The following CDH13 variants were observed in gnomAD, a reference collection of about 807,000 sequenced individuals.
The protein encoded by CDH13 is cadherin 13, also known as cadherin-13.
A neutral mutation model predicts 63.8 loss-of-function variants in CDH13; 24 were observed. The ratio of observed to expected loss-of-function variants is 0.38; its 90% CI spans 0.27 to 0.53. CDH13 has a LOEUF of 0.53. Ranked by LOEUF, CDH13 falls within the 20% of genes least tolerant of loss-of-function variation. The pLI, the probability that CDH13 is intolerant of heterozygous loss-of-function variation, is 0.85. For missense variants in CDH13, 1,049 were observed against 903.1 expected, an observed-to-expected ratio of 1.16 and a Z score of -2.07; for synonymous variants, 503 against 355.3, an observed-to-expected ratio of 1.42 and a Z score of -4.67.
At chr16:83,544,752 T>C (rs12448697) in intron 7 of CDH13, among the ~76,000 whole-genome samples, 24,882 of 152,140 alleles carry the variant, frequency 0.16, 4,112 homozygotes, top group African/African-American at 0.43. Context: ...CTGCATTGTG[T>C]TGGGCAAGGG....
intron 3 of CDH13, among the ~76,000 whole-genome samples, chr16:83,041,944 G>A (rs1352749413): frequency 2.0e-5 from 3 of 152,134 alleles, no homozygotes; most frequent in Non-Finnish European, 4.4e-5. Flanking sequence ...CCAGTAAGTT[G>A]CTATCACTTC....
At position 82,702,426 on chromosome 16, in the gene CDH13, G is replaced by A. The variant is rs188808450; in HGVS notation, c.45+75289G>A. Reference sequence around the variant, plus strand: ...TGACAGCAGGGCCCCTGTCTTGTTCGTCTCAGTGCTCCCCAGGGCCCACAT... The same window carrying A: ...TGACAGCAGGGCCCCTGTCTTGTTCATCTCAGTGCTCCCCAGGGCCCACAT... On this transcript the variant is annotated intron_variant, in intron 1 of 13. Coordinates refer to ENST00000567109, the MANE Select transcript of CDH13 (RefSeq NM_001257.5). Among the ~76,000 whole-genome samples, 10 of 152,218 alleles carry A rather than the reference G, an allele frequency of 6.6e-5. No homozygotes were observed. In the East Asian group the frequency reaches 1.2e-3, roughly 18 times the overall value.
rs1004383901 is a variant in CDH13, at chr16:83,251,937, G to C, written c.636+34440G>C. On this transcript the variant is annotated intron_variant, in intron 5 of 13. Transcript: ENST00000567109. ...AAAGTTTAATCTATAGCCCCTGAGG[G>C]AGTGCCTCTTTCTAATCCCTACAAA... Among the ~76,000 whole-genome samples, 12 of 152,036 alleles carry C rather than the reference G, an allele frequency of 7.9e-5. No homozygotes were observed. The South Asian group carries it at 2.1e-3, about 26-fold the overall frequency.
At chr16:82,848,269 C>T (rs940972166) in intron 1 of CDH13, among the ~76,000 whole-genome samples, 4 of 152,140 alleles carry the variant, frequency 2.6e-5, no homozygotes, top group Non-Finnish European at 5.9e-5. Context: ...TTACAGCAGC[C>T]AGGCTTGCAG....
intron 2 of CDH13, among the ~76,000 whole-genome samples, chr16:82,974,528 A>G (rs996084323): frequency 2.6e-5 from 4 of 152,212 alleles, no homozygotes; most frequent in Non-Finnish European, 5.9e-5. Flanking sequence ...TCCACATTCT[A>G]ATACCTAGAA....
chr16:83,196,396 A>T (rs950172170), intron 4 of CDH13, among the ~76,000 whole-genome samples: 1 of 152,242 alleles, frequency 6.6e-6, no homozygotes, highest in African/African-American at 2.4e-5. Flanking sequence ...TATACTTGTC[A>T]CAAACAGGTG....
Position 83,748,966 on chromosome 16 carries a change from C to T in CDH13, c.1681+716C>T, listed in dbSNP as rs190112843. Among the ~76,000 whole-genome samples, 4 of 152,246 alleles carry T rather than the reference C, an allele frequency of 2.6e-5. No homozygotes were observed. In the East Asian group the frequency reaches 7.7e-4, roughly 29 times the overall value. On this transcript the variant is annotated intron_variant, in intron 11 of 13. Transcript: ENST00000567109. The stretch of plus-strand genomic sequence containing the variant: ...CATGGTAATCTATGCAAGATGGTGG[C>T]CTGGACCAGAGACTAGGAGGGGATG...
intron 1 of CDH13, among the ~76,000 whole-genome samples, chr16:82,849,451 G>A (rs12599050): frequency 0.39 from 59,226 of 151,888 alleles, 12,476 homozygotes; most frequent in East Asian, 0.83. Context: ...TCAGTGAGCT[G>A]AGATCACACC....
At chr16:82,847,462 G>A (rs1264120533) in intron 1 of CDH13, among the ~76,000 whole-genome samples, 1 of 152,168 alleles carries the variant, frequency 6.6e-6, no homozygotes, top group East Asian at 1.9e-4. Context: ...ATGTGGGGCT[G>A]AGTTCATCTC....
At chr16:83,251,540 C>G (rs1300565784) in intron 5 of CDH13, among the ~76,000 whole-genome samples, 1 of 152,196 alleles carries the variant, frequency 6.6e-6, no homozygotes, top group Non-Finnish European at 1.5e-5. Context: ...CTGTTCTGTC[C>G]TCATTCTGAT....
intron 3 of CDH13, among the ~76,000 whole-genome samples, chr16:83,035,878 C>G (rs1341948977): frequency 1.3e-5 from 2 of 152,182 alleles, no homozygotes; most frequent in African/African-American, 4.8e-5. Flanking sequence ...ATGTATAGCA[C>G]TCAGCTGATG....
At chr16:82,930,833 A>G (rs1447918444) in intron 2 of CDH13, among the ~76,000 whole-genome samples, 4 of 152,172 alleles carry the variant, frequency 2.6e-5, no homozygotes, top group Non-Finnish European at 5.9e-5. Flanking sequence ...TTTCCTTTTT[A>G]GGAAATGATG....
intron 5 of CDH13, among the ~76,000 whole-genome samples, chr16:83,238,629 T>G (rs1394552797): frequency 6.6e-6 from 1 of 152,178 alleles, no homozygotes; most frequent in East Asian, 1.9e-4. Context: ...AGGTTGGTTC[T>G]GGGTAGGTTC....
intron 5 of CDH13, among the ~76,000 whole-genome samples, chr16:83,326,798 A>G (rs1242117251): frequency 1.3e-5 from 2 of 152,210 alleles, no homozygotes; most frequent in Admixed American, 1.3e-4. Flanking sequence ...GAGAGTCTAG[A>G]GGTCCTATAA....
chr16:82,876,901 A>G (rs985226821), intron 2 of CDH13, among the ~76,000 whole-genome samples: 1 of 152,174 alleles, frequency 6.6e-6, no homozygotes, highest in African/African-American at 2.4e-5. Context: ...CTGACCATAG[A>G]AAAAAAGTAT....
At chr16:83,254,550 C>A (rs1597601862) in intron 5 of CDH13, among the ~76,000 whole-genome samples, 1 of 152,208 alleles carries the variant, frequency 6.6e-6, no homozygotes, top group Non-Finnish European at 1.5e-5. Flanking sequence ...CTGTGGCTGG[C>A]ATGCTGTCAC....
At chr16:83,468,485 C>A (rs1420289773) in intron 6 of CDH13, among the ~76,000 whole-genome samples, 1 of 152,198 alleles carries the variant, frequency 6.6e-6, no homozygotes, top group Non-Finnish European at 1.5e-5. Flanking sequence ...AAATCCTAAG[C>A]CACCCAGTTC....
chr16:82,879,404 T>C (rs2040615914), intron 2 of CDH13, among the ~76,000 whole-genome samples: 1 of 150,366 alleles, frequency 6.7e-6, no homozygotes, highest in Non-Finnish European at 1.5e-5. Flanking sequence ...TTGAGCCTTG[T>C]GAGCAAATGA....
intron 5 of CDH13, among the ~76,000 whole-genome samples, chr16:83,233,884 A>G (rs1597567952): frequency 6.6e-6 from 1 of 152,204 alleles, no homozygotes; most frequent in Middle Eastern, 3.4e-3. Context: ...TCTACCTACC[A>G]CCACACTCCT....
Sources: allele counts gnomAD v4.1 joint callset (sites outside exome capture counted in the v4.1 genomes callset), GRCh38; gene constraint gnomAD v4.1.1; transcripts MANE v1.5; gene names NCBI Gene and HGNC (gene_info 2026-07-23, HGNC 2026-07-21).